Variants in GTF3C4 observed in about 807,000 individuals in gnomAD.
The protein encoded by GTF3C4 is general transcription factor 3C polypeptide 4.
A neutral mutation model predicts 67.5 loss-of-function variants in GTF3C4; 28 were observed. That is an observed-to-expected ratio of 0.41 (90% confidence interval 0.31 to 0.57). The LOEUF is 0.57. GTF3C4 is among the 20% of genes least tolerant of loss of function. GTF3C4 has a pLI of 0.21. For synonymous variants in GTF3C4, 409 were observed against 393.0 expected, an observed-to-expected ratio of 1.04 and a Z score of -0.48; for missense variants, 831 against 1,033.2, an observed-to-expected ratio of 0.80 and a Z score of 2.68.
Position 132,691,698 on chromosome 9 carries a change from C to T in GTF3C4, c.*2753C>T, listed in dbSNP as rs1045241619. 7 of 152,180 alleles carry T rather than the reference C, an allele frequency of 4.6e-5. No individual in the cohort carries two copies. The highest frequency in any genetic ancestry group is 1.5e-5 in the Non-Finnish European group (1 of 68,032). The allele number at this position is 152,180 out of a possible 1,614,324, so 9.4% of individuals were successfully genotyped here. ...CCCTGTGTGTCCACCAGGCAGACTTCAAGCAATCTCTACCTACTATTATAT... is the reference window on the plus strand; with the variant it reads ...CCCTGTGTGTCCACCAGGCAGACTTTAAGCAATCTCTACCTACTATTATAT... On this transcript the variant is annotated 3_prime_UTR_variant, in exon 5 of 5. Transcript: ENST00000372146.
chr9:132,670,327 C>T (rs1835673798), upstream of GTF3C4: 1 of 1,463,504 alleles, frequency 6.8e-7, no homozygotes, highest in Middle Eastern at 2.0e-4. Context: ...TGGGTAGCTC[C>T]CTAACAGGCT....
rs1320997109 is a variant in GTF3C4, at chr9:132,683,712, T to C, written c.2315+19T>C. 1.3e-6 allele frequency: 2 copies of C among 1,595,570 alleles called. No homozygotes were observed. The highest frequency in any genetic ancestry group is 1.7e-6 in the Non-Finnish European group (2 of 1,173,576). On this transcript the variant is annotated intron_variant, in intron 3 of 4. Transcript: ENST00000372146. ...GGCTCCGGTAAGCCATTTTAAAAGTTTCTACTTCTGCTCATTTTTCAGTTT... is the reference window on the plus strand; with the variant it reads ...GGCTCCGGTAAGCCATTTTAAAAGTCTCTACTTCTGCTCATTTTTCAGTTT...
chr9:132,685,137 C>T (rs1836005882), intron 3 of GTF3C4, among the ~76,000 whole-genome samples: 1 of 151,438 alleles, frequency 6.6e-6, no homozygotes, highest in Admixed American at 6.6e-5. Context: ...ACCTCAGCTT[C>T]CCCTATAGCT....
At chr9:132,680,603 T>C (rs1590135792) in intron 2 of GTF3C4, among the ~76,000 whole-genome samples, 1 of 152,214 alleles carries the variant, frequency 6.6e-6, no homozygotes, top group South Asian at 2.1e-4. Flanking sequence ...TGATACTTAC[T>C]GACTAAAGTC....
chr9:132,687,911 T>A (rs1349766866), intron 4 of GTF3C4, among the ~76,000 whole-genome samples: 3 of 152,366 alleles, frequency 2.0e-5, no homozygotes, highest in South Asian at 2.1e-4. Context: ...AATAATGCAC[T>A]CTAACCAAGT....
chr9:132,691,613 GTTC>G lies in GTF3C4; in HGVS notation c.*2671_*2673del, dbSNP rs1203191844. On this transcript the variant is annotated 3_prime_UTR_variant, in exon 5 of 5. Transcript: ENST00000372146. ...CATTTTCTCTGCCTGGGGTTAATTTGTTCTTATTATTCTAGGTAAGAAATTGAT... is the reference window on the plus strand; with the variant it reads ...CATTTTCTCTGCCTGGGGTTAATTTGTTATTATTCTAGGTAAGAAATTGAT... 1 of 152,166 alleles carries G rather than the reference GTTC, an allele frequency of 6.6e-6. No individual in the cohort carries two copies. The highest frequency in any genetic ancestry group is 6.5e-5 in the Admixed American group (1 of 15,280). The allele number at this position is 152,166 out of a possible 1,614,324, so 9.4% of individuals were successfully genotyped here.
chr9:132,671,075 G>C, intron 1 of GTF3C4, 120 bp downstream of exon 1: 4 of 708,590 alleles, frequency 5.6e-6, no homozygotes, highest in South Asian at 1.6e-5. Context: ...CGCACCGAGC[G>C]CTGGGGATTT....
upstream of GTF3C4, chr9:132,670,128 G>A (rs779511130): frequency 1.3e-6 from 2 of 1,583,588 alleles, no homozygotes; most frequent in Non-Finnish European, 8.6e-7. Flanking sequence ...ACTACCGCGC[G>A]TGCCCCCGCC....
At chr9:132,680,398 A>G (rs918239923) in intron 2 of GTF3C4, among the ~76,000 whole-genome samples, 2 of 152,204 alleles carry the variant, frequency 1.3e-5, no homozygotes, top group African/African-American at 4.8e-5. Context: ...TTACCACTCA[A>G]AGCGTTCTGA....
intron 1 of GTF3C4, 53 bp from the exon 2 acceptor site, chr9:132,677,924 C>T (rs1835885832): frequency 1.4e-6 from 2 of 1,438,906 alleles, no homozygotes; most frequent in Admixed American, 2.2e-5. Flanking sequence ...TAAAAAATTG[C>T]CATCTCCTTG....
At position 132,692,520 on chromosome 9, in the gene GTF3C4, A is replaced by C. The variant is rs1245002266; in HGVS notation, c.*3575A>C. 6.6e-6 allele frequency: 1 copy of C among 152,198 alleles called. No homozygotes were observed. Among genetic ancestry groups the C allele is most frequent in the Non-Finnish European group, 1.5e-5 (1 of 68,030 alleles). The allele number at this position is 152,198 out of a possible 1,614,324, so 9.4% of individuals were successfully genotyped here. ...ATAAGCAAAAATTATGGTTAAGCTA[A>C]GCTGAATGGGTTATATTCAAAGTAA... On this transcript the variant is annotated 3_prime_UTR_variant, in exon 5 of 5. Transcript: ENST00000372146.
rs551748423 is a variant in GTF3C4, at chr9:132,683,455, T to C, written c.2185-108T>C. ...TCTCCTGTCTTCTGTAAAATATTGC[T>C]CTTTTCTTTTTTTCTTTATTTTTTA... On this transcript the variant is annotated intron_variant, in intron 2 of 4. Transcript: ENST00000372146. 9.2e-5 allele frequency: 87 copies of C among 948,126 alleles called. 1 individual carries two copies. The South Asian group carries it at 1.1e-3, about 13-fold the overall frequency. The allele number at this position is 948,126 out of a possible 1,614,324, so 58.7% of individuals were successfully genotyped here.
intron 4 of GTF3C4, 79 bp downstream of exon 4, chr9:132,687,406 T>G: frequency 2.8e-6 from 2 of 711,592 alleles, no homozygotes; most frequent in Non-Finnish European, 5.0e-6. Context: ...ATAACAGTTC[T>G]AGTCACGCTC....
In GTF3C4 at chr9:132,689,082, C is replaced by T. The variant is rs1366574429; in HGVS notation, c.*137C>T. 2.6e-5 allele frequency: 17 copies of T among 661,774 alleles called. No individual in the cohort carries two copies. The Admixed American group carries it at 3.3e-4, about 13-fold the overall frequency. The allele number at this position is 661,774 out of a possible 1,614,324, so 41.0% of individuals were successfully genotyped here. A position where few individuals can be genotyped will look rare whatever the true frequency, so the allele number is the denominator to read the frequency against. The stretch of plus-strand genomic sequence containing the variant: ...AAGTCCTTGGTGATTGTAAAGAGGG[C>T]CCCTGGAGCTCATTTCTGAATCGCA... On this transcript the variant is annotated 3_prime_UTR_variant, in exon 5 of 5. Transcript: ENST00000372146.
Position 132,670,565 on chromosome 9 carries a change from C to A in GTF3C4, c.-34C>A, listed in dbSNP as rs746664824. The stretch of plus-strand genomic sequence containing the variant: ...GAGGTGGTCGCGCGACTGCGTGGAG[C>A]GCCAGGGCGTCCGACCTCTGCACCT... On this transcript the variant is annotated 5_prime_UTR_variant, in exon 1 of 5. Transcript: ENST00000372146. The A allele has an allele frequency of 1.5e-6, 2 of 1,367,312 alleles. No individual in the cohort carries two copies. Among genetic ancestry groups the A allele is most frequent in the Non-Finnish European group, 1.9e-6 (2 of 1,047,158 alleles). 84.7% of individuals were successfully genotyped at this position (1,367,312 alleles called of 1,614,324 possible).
At chr9:132,675,208 A>G (rs925843781) in intron 1 of GTF3C4, among the ~76,000 whole-genome samples, 1 of 152,224 alleles carries the variant, frequency 6.6e-6, no homozygotes, top group African/African-American at 2.4e-5. Flanking sequence ...CAATTTGCGC[A>G]CACAGAGCTG....
In GTF3C4 at chr9:132,690,790, A is replaced by G. The variant is rs139227691; in HGVS notation, c.*1845A>G. The G allele has an allele frequency of 1.3e-5, 2 of 152,282 alleles. No homozygotes were observed. The highest frequency in any genetic ancestry group is 3.9e-4 in the East Asian group (2 of 5,186). 9.4% of individuals were successfully genotyped at this position (152,282 alleles called of 1,614,324 possible). ...TCTGCAGCTGTTTTTTCACTTTACA[A>G]TAAATAAGAGTAAAAATTGAGATCA... On this transcript the variant is annotated 3_prime_UTR_variant, in exon 5 of 5. Transcript: ENST00000372146.
At position 132,670,890 on chromosome 9, in the gene GTF3C4, C is replaced by T. The variant is rs199967299; in HGVS notation, c.292C>T (p.Pro98Ser). 2.5e-6 allele frequency: 4 copies of T among 1,612,608 alleles called. No homozygotes were observed. The highest frequency in any genetic ancestry group is 2.2e-5 in the South Asian group (2 of 91,076). ...VLELICDVHN[P>S]GQDLVIHRTS... ...GGAGCTCATCTGCGACGTGCACAAC[C>T]CGGGCCAGGACCTGGTTATCCACCG... Residue 98 changes from proline (P) to serine (S), a missense_variant, in exon 1 of 5, where the codon CCG (proline) becomes TCG (serine). Coordinates refer to ENST00000372146, the MANE Select transcript of GTF3C4 (RefSeq NM_012204.4).
chr9:132,673,822 G>C (rs1326174249), intron 1 of GTF3C4, among the ~76,000 whole-genome samples: 3 of 152,150 alleles, frequency 2.0e-5, no homozygotes, highest in African/African-American at 7.2e-5. Flanking sequence ...ATTATCAGCT[G>C]TTTTATAAGA....
Sources: allele counts gnomAD v4.1 joint callset (sites outside exome capture counted in the v4.1 genomes callset), GRCh38; gene constraint gnomAD v4.1.1; transcripts MANE v1.5; gene names NCBI Gene and HGNC (gene_info 2026-07-23, HGNC 2026-07-21).